MADD: variants seen among roughly 807,000 people sequenced by gnomAD.
MADD encodes the protein MAP kinase-activating death domain protein.
Under a neutral mutation model 176.7 loss-of-function variants are expected in MADD, and 109 were observed. The ratio of observed to expected loss-of-function variants is 0.62; its 90% CI spans 0.53 to 0.72. The LOEUF (loss-of-function observed/expected upper bound fraction) is 0.72, where lower values mean the gene tolerates loss of function less well. Ranked by LOEUF, MADD falls within the 30% of genes least tolerant of loss-of-function variation. The probability of loss-of-function intolerance (pLI) is 0.00; values close to 1 mark genes in which losing one functional copy is unlikely to be tolerated. For missense variants in MADD, 1,914 were observed against 2,045.5 expected (o/e 0.94, Z 1.24); for synonymous variants, 771 against 771.3 (o/e 1.00, Z 0.01).
chr11:47,277,772 T>C (rs937371208), intron 5 of MADD, among the ~76,000 whole-genome samples: 3 of 152,224 alleles, frequency 2.0e-5, no homozygotes, highest in Non-Finnish European at 4.4e-5. Flanking sequence ...GGGTGATTCA[T>C]GTCTGGGTGG....
chr11:47,292,551 A>G lies in MADD; in HGVS notation c.3302-1332A>G. On this transcript the variant is annotated intron_variant, in intron 19 of 32. Transcript: ENST00000402192. ...CATTGCATCTGGGGTAGAATTGTGG[A>G]ACAAGCACCAGGAAGTGAAAAAGCA... 1 of 1,613,954 alleles carries G rather than the reference A, an allele frequency of 6.2e-7. No individual in the cohort carries two copies. Among genetic ancestry groups the G allele is most frequent in the Non-Finnish European group, 8.5e-7 (1 of 1,179,988 alleles).
chr11:47,327,909 G>T, intron 31 of MADD: 2 of 985,360 alleles, frequency 2.0e-6, no homozygotes, highest in Non-Finnish European at 2.4e-6. Context: ...CAGAACCCCT[G>T]CATGGCTGGA....
intron 22 of MADD, among the ~76,000 whole-genome samples, chr11:47,302,742 C>G (rs1177043800): frequency 1.3e-5 from 2 of 151,662 alleles, no homozygotes; most frequent in African/African-American, 4.8e-5. Context: ...GGAATTTAAT[C>G]TATTTACATT....
exon 3 of MADD, chr11:47,275,002 C>G: frequency 6.2e-7 from 1 of 1,614,216 alleles, no homozygotes; most frequent in South Asian, 1.1e-5. Flanking sequence ...GGCGGGGAGC[C>G]GCTCCCGCAA....
chr11:47,269,729 ACGCCGAGCAC>A (rs1334667649), upstream of MADD: 1 of 147,830 alleles, frequency 6.8e-6, no homozygotes, highest in Non-Finnish European at 1.5e-5. Context: ...CCCTGCTCGG[ACGCCGAGCAC>A]CGCCAAAGCG....
intron 26 of MADD, among the ~76,000 whole-genome samples, chr11:47,313,746 C>T (rs902487682): frequency 2.6e-5 from 4 of 151,774 alleles, no homozygotes; most frequent in African/African-American, 7.3e-5. Context: ...GGAACATAGA[C>T]CCCATTTCTT....
chr11:47,307,180 C>T (rs1228006212), intron 22 of MADD, among the ~76,000 whole-genome samples: 1 of 151,870 alleles, frequency 6.6e-6, no homozygotes, highest in Non-Finnish European at 1.5e-5. Context: ...TACCAAAGTG[C>T]CAGGACTATA....
At chr11:47,310,531 T>C (rs2087667803) in intron 25 of MADD, among the ~76,000 whole-genome samples, 1 of 152,088 alleles carries the variant, frequency 6.6e-6, no homozygotes, top group Admixed American at 6.6e-5. Context: ...TACTAAGTAG[T>C]TTTAGGGTGC....
Position 47,284,992 on chromosome 11 carries a change from AAGCC to A in MADD, c.2210_2213del (p.Lys737ThrfsTer77). On this transcript the variant is annotated frameshift_variant, in exon 13 of 33. Transcript: ENST00000402192. LOFTEE classifies it high-confidence loss of function. ...TGATAAGGCAGCAGTAGGCGTCTCC[AAGCC>A]CCTCCCTTCCGTGCCTCCCAGCATT... 6.2e-7 allele frequency: 1 copy of A among 1,614,070 alleles called. No individual in the cohort carries two copies. The highest frequency in any genetic ancestry group is 8.5e-7 in the Non-Finnish European group (1 of 1,180,030).
intron 22 of MADD, among the ~76,000 whole-genome samples, chr11:47,306,468 C>T (rs936987227): frequency 1.3e-5 from 2 of 152,346 alleles, no homozygotes; most frequent in South Asian, 4.1e-4. Flanking sequence ...GCTGTATGGA[C>T]TCCAGGCAGC....
intron 27 of MADD, among the ~76,000 whole-genome samples, chr11:47,317,644 T>G (rs2093448762): frequency 1.3e-5 from 2 of 152,202 alleles, no homozygotes; most frequent in Non-Finnish European, 2.9e-5. Flanking sequence ...CTCATATGGT[T>G]GTCCCTCTCT....
intron 22 of MADD, among the ~76,000 whole-genome samples, chr11:47,297,682 G>C (rs575541912): frequency 3.3e-5 from 5 of 151,660 alleles, no homozygotes; most frequent in African/African-American, 1.2e-4. Flanking sequence ...TCCTGACTTC[G>C]TGATCTGCTC....
chr11:47,287,893 C>G (rs2061953116), intron 15 of MADD, among the ~76,000 whole-genome samples: 1 of 151,186 alleles, frequency 6.6e-6, no homozygotes, highest in Non-Finnish European at 1.5e-5. Flanking sequence ...CGGGTTCACA[C>G]CATTCTGCCT....
chr11:47,297,098 G>A (rs936462329), intron 22 of MADD, among the ~76,000 whole-genome samples: 5 of 152,198 alleles, frequency 3.3e-5, no homozygotes, highest in Non-Finnish European at 7.3e-5. Flanking sequence ...TATAGGCTGT[G>A]TTAAAACACT....
In MADD at chr11:47,325,719, A is replaced by G. The variant is rs1565588631; in HGVS notation, c.4543-1019A>G. ...AAGGTGTCAGTACTTCTTGGGGAGCAGACTTCTGACCACATTTTAGCGCCG... is the reference window on the plus strand; with the variant it reads ...AAGGTGTCAGTACTTCTTGGGGAGCGGACTTCTGACCACATTTTAGCGCCG... On this transcript the variant is annotated intron_variant, in intron 30 of 32. Coordinates refer to ENST00000402192, the Ensembl canonical transcript of MADD. The surrounding 1 kb of genome is among the most constrained non-coding windows in gnomAD (Gnocchi z 4.5). Among the ~76,000 whole-genome samples the G allele has an allele frequency of 6.6e-6, 1 of 152,268 alleles. No homozygotes were observed. Among genetic ancestry groups the G allele is most frequent in the Non-Finnish European group, 1.5e-5 (1 of 68,044 alleles).
At chr11:47,315,221 A>G (rs1052682127) in exon 27 of MADD, 5 of 1,605,950 alleles carry the variant, frequency 3.1e-6, no homozygotes, top group African/African-American at 1.3e-5. Flanking sequence ...TTTCATCAGA[A>G]TGGACGCGAT....
chr11:47,312,551 C>T (rs1046028786), intron 26 of MADD, among the ~76,000 whole-genome samples: 2 of 152,190 alleles, frequency 1.3e-5, no homozygotes, highest in African/African-American at 2.4e-5. Flanking sequence ...TTCAGCCTCC[C>T]GAGTAGCTGA....
chr11:47,271,221 C>T (rs759728151), intron 1 of MADD: 1 of 152,096 alleles, frequency 6.6e-6, no homozygotes, highest in East Asian at 1.9e-4. Flanking sequence ...GTCGGAGCCT[C>T]GTTGGTTGTG....
chr11:47,289,742 A>C lies in MADD; in HGVS notation c.2757-125A>C, dbSNP rs1332760643. The C allele has an allele frequency of 5.4e-6, 6 of 1,114,952 alleles. No individual in the cohort carries two copies. The East Asian group carries it at 1.3e-4, about 24-fold the overall frequency. The allele number at this position is 1,114,952 out of a possible 1,614,324, so 69.1% of individuals were successfully genotyped here. On this transcript the variant is annotated intron_variant, in intron 16 of 32. Coordinates refer to ENST00000402192, the Ensembl canonical transcript of MADD. ...CTCCAGAGAGGTGGGGATGTGGTGCACTTGGACATTCAGAGACATGGCTTT... is the reference window on the plus strand; with the variant it reads ...CTCCAGAGAGGTGGGGATGTGGTGCCCTTGGACATTCAGAGACATGGCTTT...
Sources: gnomAD v4.1 joint callset for allele counts (sites outside exome capture counted in the v4.1 genomes callset) on GRCh38, gnomAD v4.1.1 for gene constraint, Gnocchi (gnomAD v3.1) non-coding constraint, MANE v1.5 for transcripts, NCBI Gene and HGNC (gene_info 2026-07-23, HGNC 2026-07-21) for gene names.